NXPE4: variants seen among roughly 807,000 people sequenced by gnomAD.
The protein encoded by NXPE4 is NXPE family member 4.
Under a neutral mutation model 33.3 loss-of-function variants are expected in NXPE4, and 42 were observed. The ratio of observed to expected loss-of-function variants is 1.26; its 90% confidence interval spans 0.98 to 1.63. The LOEUF (loss-of-function observed/expected upper bound fraction) is 1.63, where lower values mean the gene tolerates loss of function less well. Ranked by LOEUF, NXPE4 falls within the 40% of genes most tolerant of loss-of-function variation. The pLI, the probability that NXPE4 is intolerant of heterozygous loss-of-function variation, is 0.00. For missense variants in NXPE4, 709 were observed against 647.6 expected (o/e 1.09, Z -1.03); for synonymous variants, 253 against 234.9 (o/e 1.08, Z -0.71).
At chr11:114,653,797 G>T in the NXPE4 span, among the ~76,000 whole-genome samples, 1 of 151,874 alleles carries the variant, frequency 6.6e-6, no homozygotes, top group South Asian at 2.1e-4. Context: ...CAAAGTGCTG[G>T]GATTACAGGC....
the NXPE4 span, among the ~76,000 whole-genome samples, chr11:114,661,766 C>T: frequency 2.0e-5 from 3 of 152,112 alleles, no homozygotes; most frequent in Non-Finnish European, 4.4e-5. Flanking sequence ...TAGTTCAATT[C>T]AAAACTTGCT....
chr11:114,670,147 G>T, the NXPE4 span, among the ~76,000 whole-genome samples: 12 of 152,138 alleles, frequency 7.9e-5, no homozygotes, highest in East Asian at 2.3e-3. Flanking sequence ...AGCAGTTTAT[G>T]CCCCAGGACC....
chr11:114,580,018 G>T (rs1591334474), intron 5 of NXPE4, 114 bp downstream of exon 5: 2 of 902,552 alleles, frequency 2.2e-6, no homozygotes, highest in Non-Finnish European at 3.5e-6. Context: ...ATTTTGGTGT[G>T]TTGTGATTGA....
chr11:114,639,959 TTAAATATA>T, the NXPE4 span, among the ~76,000 whole-genome samples: 1 of 96,528 alleles, frequency 1.0e-5, no homozygotes, highest in Non-Finnish European at 2.0e-5. Context: ...ATAGTTTGTA[TTAAATATA>T]TTATATATAA....
At chr11:114,585,925 CA>C (rs1226173275) in intron 2 of NXPE4, among the ~76,000 whole-genome samples, 1 of 152,076 alleles carries the variant, frequency 6.6e-6, no homozygotes, top group African/African-American at 2.4e-5. Context: ...TCTTTGTCAC[CA>C]TGTGTACAGT....
At chr11:114,601,432 T>A in the NXPE4 span, among the ~76,000 whole-genome samples, 2 of 131,172 alleles carry the variant, frequency 1.5e-5, no homozygotes, top group Non-Finnish European at 3.1e-5. Context: ...TTGTTCTTTT[T>A]AAATTTATGT....
At chr11:114,575,221 C>T (rs573874466) in intron 5 of NXPE4, among the ~76,000 whole-genome samples, 10 of 151,986 alleles carry the variant, frequency 6.6e-5, no homozygotes, top group South Asian at 4.2e-4. Flanking sequence ...TACAACAAAC[C>T]CCTAGCCAAC....
At chr11:114,602,758 ATC>A in the NXPE4 span, among the ~76,000 whole-genome samples, 1 of 144,894 alleles carries the variant, frequency 6.9e-6, no homozygotes, top group East Asian at 2.1e-4. Context: ...ATATATAAGT[ATC>A]TCATATATAA....
the NXPE4 span, among the ~76,000 whole-genome samples, chr11:114,670,111 C>G: frequency 6.6e-6 from 1 of 151,942 alleles, no homozygotes; most frequent in Non-Finnish European, 1.5e-5. Context: ...TCAAAGGAGT[C>G]TATATTTAAT....
At chr11:114,658,330 G>GA in the NXPE4 span, among the ~76,000 whole-genome samples, 1 of 152,196 alleles carries the variant, frequency 6.6e-6, no homozygotes, top group Admixed American at 6.5e-5. Context: ...TCTAAAGGCT[G>GA]AATGTGGGCT....
At chr11:114,633,820 T>C in the NXPE4 span, among the ~76,000 whole-genome samples, 1 of 152,178 alleles carries the variant, frequency 6.6e-6, no homozygotes, top group East Asian at 1.9e-4. Flanking sequence ...CTGCATAGTA[T>C]TCCATGGTGT....
At chr11:114,577,496 A>G (rs1475069756) in intron 5 of NXPE4, among the ~76,000 whole-genome samples, 1 of 152,102 alleles carries the variant, frequency 6.6e-6, no homozygotes, top group Non-Finnish European at 1.5e-5. Flanking sequence ...AATCACCACT[A>G]AAGAACTTAT....
the NXPE4 span, among the ~76,000 whole-genome samples, chr11:114,656,719 T>C: frequency 1.3e-5 from 2 of 152,248 alleles, no homozygotes; most frequent in East Asian, 1.9e-4. Context: ...AATCATGAAA[T>C]TAATTATATG....
At chr11:114,596,992 A>C (rs1949580153), upstream of NXPE4, among the ~76,000 whole-genome samples, 1 of 152,218 alleles carries the variant, frequency 6.6e-6, no homozygotes, top group Non-Finnish European at 1.5e-5. Flanking sequence ...TTTGATCTCT[A>C]ACACTGTGTG....
the NXPE4 span, among the ~76,000 whole-genome samples, chr11:114,661,809 C>T: frequency 2.6e-5 from 4 of 152,204 alleles, no homozygotes; most frequent in East Asian, 3.9e-4. Context: ...AGTATGGTGT[C>T]AGTGAAAAGA....
At chr11:114,673,724 A>G in the NXPE4 span, among the ~76,000 whole-genome samples, 1 of 151,820 alleles carries the variant, frequency 6.6e-6, no homozygotes, top group African/African-American at 2.4e-5. Flanking sequence ...GAGTCATGCA[A>G]TACTGCTTTC....
the NXPE4 span, among the ~76,000 whole-genome samples, chr11:114,675,157 A>G: frequency 1.3e-5 from 2 of 151,898 alleles, no homozygotes; most frequent in Middle Eastern, 3.4e-3. Flanking sequence ...TAGAAGGATT[A>G]TACTCCAACA....
the NXPE4 span, among the ~76,000 whole-genome samples, chr11:114,673,608 A>G: frequency 7.4e-4 from 113 of 151,990 alleles, no homozygotes; most frequent in African/African-American, 2.6e-3. Flanking sequence ...GAAAACTCAA[A>G]TTACTAAAAT....
At chr11:114,613,501 C>T in the NXPE4 span, among the ~76,000 whole-genome samples, 1,548 of 151,728 alleles carry the variant, frequency 0.01, 22 homozygotes, top group African/African-American at 0.035. Context: ...CACTATTACC[C>T]AGTGGATAAT....
Sources: allele counts gnomAD v4.1 joint callset (sites outside exome capture counted in the v4.1 genomes callset), GRCh38; gene constraint gnomAD v4.1.1; transcripts MANE v1.5; gene names NCBI Gene and HGNC (gene_info 2026-07-23, HGNC 2026-07-21).